GALNTL6: variants seen among roughly 807,000 people sequenced by gnomAD.
GALNTL6 encodes polypeptide N-acetylgalactosaminyltransferase like 6, also known as polypeptide N-acetylgalactosaminyltransferase-like 6.
In GALNTL6, 46 loss-of-function variants were observed where a neutral mutation model predicts 73.7. The ratio of observed to expected loss-of-function variants is 0.62; its 90% CI spans 0.49 to 0.80. The LOEUF is 0.80. GALNTL6 is among the 30% of genes least tolerant of loss of function. GALNTL6 has a pLI of 0.00. For missense variants in GALNTL6, 604 were observed against 755.0 expected (o/e 0.80, Z 2.34); for synonymous variants, 259 against 263.7 (o/e 0.98, Z 0.17).
chr4:172,115,614 C>T (rs1036404149), intron 2 of GALNTL6, among the ~76,000 whole-genome samples: 1 of 151,956 alleles, frequency 6.6e-6, no homozygotes, highest in Non-Finnish European at 1.5e-5. Context: ...TTTCATAACT[C>T]CAAAATAGAC....
At chr4:172,716,150 G>C (rs1470661255) in intron 5 of GALNTL6, among the ~76,000 whole-genome samples, 1 of 152,110 alleles carries the variant, frequency 6.6e-6, no homozygotes, top group African/African-American at 2.4e-5. Flanking sequence ...GAGAGGTGCT[G>C]GTGGTGTCTA....
intron 5 of GALNTL6, among the ~76,000 whole-genome samples, chr4:172,664,298 T>C (rs1406105374): frequency 6.6e-6 from 1 of 152,194 alleles, no homozygotes; most frequent in African/African-American, 2.4e-5. Context: ...CACTTCAACA[T>C]CTACTCATTC....
At chr4:172,225,321 T>G (rs1309184625) in intron 2 of GALNTL6, among the ~76,000 whole-genome samples, 1 of 152,000 alleles carries the variant, frequency 6.6e-6, no homozygotes, top group Non-Finnish European at 1.5e-5. Flanking sequence ...TTAGATTAGG[T>G]ATGCAAGCAT....
chr4:172,020,711 T>C (rs1055842885), intron 2 of GALNTL6, among the ~76,000 whole-genome samples: 8 of 152,006 alleles, frequency 5.3e-5, no homozygotes, highest in African/African-American at 1.9e-4. Flanking sequence ...ATAGCTTCAC[T>C]GCAGCATTCT....
At chr4:171,882,031 T>C (rs1352289727) in intron 2 of GALNTL6, among the ~76,000 whole-genome samples, 1 of 152,200 alleles carries the variant, frequency 6.6e-6, no homozygotes, top group African/African-American at 2.4e-5. Flanking sequence ...TCCCCTAATT[T>C]CCCTTATTTC....
At chr4:171,923,542 T>G (rs10009436) in intron 2 of GALNTL6, among the ~76,000 whole-genome samples, 1 of 149,732 alleles carries the variant, frequency 6.7e-6, no homozygotes, top group Non-Finnish European at 1.5e-5. Context: ...GGACTACAGG[T>G]GCCCGGCACC....
chr4:172,418,468 C>A (rs969245068), intron 5 of GALNTL6, among the ~76,000 whole-genome samples: 10 of 152,120 alleles, frequency 6.6e-5, no homozygotes, highest in African/African-American at 2.4e-4. Context: ...GGTCTGAGCT[C>A]CAAAACCTTC....
At chr4:172,559,132 T>C (rs1472024666) in intron 5 of GALNTL6, among the ~76,000 whole-genome samples, 5 of 127,552 alleles carry the variant, frequency 3.9e-5, no homozygotes, top group Non-Finnish European at 7.9e-5. Flanking sequence ...AGTCGCGATC[T>C]CGGCTCACTG....
At chr4:173,017,743 T>C (rs530537537) in intron 11 of GALNTL6, among the ~76,000 whole-genome samples, 1 of 152,328 alleles carries the variant, frequency 6.6e-6, no homozygotes, top group Admixed American at 6.5e-5. Context: ...AATGTAAGCA[T>C]GATCATGGCA....
At chr4:172,303,307 A>G (rs977761117) in intron 3 of GALNTL6, among the ~76,000 whole-genome samples, 2 of 152,036 alleles carry the variant, frequency 1.3e-5, no homozygotes, top group Non-Finnish European at 2.9e-5. Context: ...ATTACCCTAG[A>G]GATGTCAGTA....
intron 2 of GALNTL6, among the ~76,000 whole-genome samples, chr4:172,130,026 T>C (rs1733442575): frequency 6.6e-6 from 1 of 152,166 alleles, no homozygotes; most frequent in Admixed American, 6.5e-5. Flanking sequence ...ACTATGTGTG[T>C]GTTCAGGAAA....
chr4:171,952,740 T>G (rs547156594), intron 2 of GALNTL6, among the ~76,000 whole-genome samples: 1 of 152,204 alleles, frequency 6.6e-6, no homozygotes, highest in East Asian at 1.9e-4. Context: ...GAATGCCTGA[T>G]CTAATGAGTA....
intron 2 of GALNTL6, among the ~76,000 whole-genome samples, chr4:171,989,840 G>A (rs907591123): frequency 1.1e-4 from 17 of 152,190 alleles, no homozygotes; most frequent in African/African-American, 2.9e-4. Context: ...GCTGCCGAAC[G>A]AGCCATGAAC....
chr4:172,395,945 G>A (rs547079948), intron 5 of GALNTL6, among the ~76,000 whole-genome samples: 10 of 152,184 alleles, frequency 6.6e-5, no homozygotes, highest in African/African-American at 1.7e-4. Context: ...GACTTCACGC[G>A]TAGTTAAATC....
At chr4:172,452,320 A>C (rs1392770529) in intron 5 of GALNTL6, among the ~76,000 whole-genome samples, 1 of 151,810 alleles carries the variant, frequency 6.6e-6, no homozygotes, top group African/African-American at 2.4e-5. Context: ...ATTTATATAT[A>C]TAAAAATAAA....
intron 5 of GALNTL6, among the ~76,000 whole-genome samples, chr4:172,617,237 A>AT (rs1738775422): frequency 6.6e-6 from 1 of 152,004 alleles, no homozygotes; most frequent in African/African-American, 2.4e-5. Flanking sequence ...TATGGTGCAT[A>AT]TTTTTAAAAA....
At chr4:172,850,581 C>T (rs1289224156) in intron 7 of GALNTL6, among the ~76,000 whole-genome samples, 7 of 152,214 alleles carry the variant, frequency 4.6e-5, no homozygotes, top group Admixed American at 2.0e-4. Flanking sequence ...TCCAGATGGG[C>T]GTCCTGTGAT....
chr4:172,377,125 A>G (rs942026966), intron 5 of GALNTL6, among the ~76,000 whole-genome samples: 2 of 152,104 alleles, frequency 1.3e-5, no homozygotes, highest in Non-Finnish European at 2.9e-5. Flanking sequence ...CTGGCCCCAA[A>G]CACATCCTGT....
At chr4:172,410,789 T>C (rs1313230019) in intron 5 of GALNTL6, among the ~76,000 whole-genome samples, 2 of 152,162 alleles carry the variant, frequency 1.3e-5, no homozygotes, top group East Asian at 3.8e-4. Flanking sequence ...TTTTATTGGC[T>C]CTTTTATTTC....
Sources: gnomAD v4.1 joint callset for allele counts (sites outside exome capture counted in the v4.1 genomes callset) on GRCh38, gnomAD v4.1.1 for gene constraint, MANE v1.5 for transcripts, NCBI Gene and HGNC (gene_info 2026-07-23, HGNC 2026-07-21) for gene names.